Variants in PCDHGA8 observed in about 807,000 individuals in gnomAD.
PCDHGA8 encodes the protein protocadherin gamma subfamily A, 8, also known as protocadherin gamma-A8.
In PCDHGA8, 45 loss-of-function variants were observed where a neutral mutation model predicts 59.2. The observed-to-expected ratio is 0.76, with a 90% CI of 0.60 to 0.98. The LOEUF (loss-of-function observed/expected upper bound fraction) is 0.98. Among genes scored for constraint, PCDHGA8 ranks in the 50% least tolerant of loss-of-function variants. The pLI is 0.00. For missense variants in PCDHGA8, 1,257 were observed against 1,196.2 expected (o/e 1.05, Z -0.75); for synonymous variants, 531 against 519.0 (o/e 1.02, Z -0.32).
chr5:141,433,906 A>G (rs1218318743), intron 1 of PCDHGA8, among the ~76,000 whole-genome samples: 1 of 151,412 alleles, frequency 6.6e-6, no homozygotes, highest in Non-Finnish European at 1.5e-5. Flanking sequence ...ATCACTTATT[A>G]CAATCACCTC....
intron 1 of PCDHGA8, chr5:141,409,367 G>A: frequency 1.9e-6 from 3 of 1,614,000 alleles, no homozygotes; most frequent in Non-Finnish European, 2.5e-6. Context: ...TATAGAAACA[G>A]ACATTCCATT....
rs754652710 is a variant in PCDHGA8 at position 141,476,367 on chromosome 5, G to A, written c.2425-18440G>A. Reference sequence around the variant, plus strand: ...TTCTTTGAGGTGAACCGGGAGACCGGAGAGATGTTTGTGAACGACCGTCTG... The same window carrying A: ...TTCTTTGAGGTGAACCGGGAGACCGAAGAGATGTTTGTGAACGACCGTCTG... On this transcript the variant is annotated intron_variant, in intron 1 of 3. Coordinates refer to ENST00000398604, the MANE Select transcript of PCDHGA8 (RefSeq NM_032088.2). The surrounding 1 kb of genome is among the most constrained non-coding windows in gnomAD (Gnocchi z 7.6). The A allele has an allele frequency of 2.5e-6, 4 of 1,614,172 alleles. No homozygotes were observed. In the South Asian group the frequency reaches 3.3e-5, roughly 13 times the overall value.
At chr5:141,423,750 TGGGGGGGG>T in intron 1 of PCDHGA8, 1 of 287,524 alleles carries the variant, frequency 3.5e-6, no homozygotes, top group Non-Finnish European at 4.5e-6. Flanking sequence ...GAAAACTGTT[TGGGGGGGG>T]GGTGGGGCGG....
At chr5:141,506,462 AAAAG>A (rs1396142744) in intron 3 of PCDHGA8, among the ~76,000 whole-genome samples, 1 of 151,856 alleles carries the variant, frequency 6.6e-6, no homozygotes, top group African/African-American at 2.4e-5. Flanking sequence ...AAAAAAAAAA[AAAAG>A]AGCACAGGCT....
chr5:141,459,295 A>C (rs571675117), intron 1 of PCDHGA8, among the ~76,000 whole-genome samples: 2 of 152,368 alleles, frequency 1.3e-5, no homozygotes, highest in South Asian at 4.1e-4. Context: ...ATGGAATCCT[A>C]TAACATATAC....
At chr5:141,478,545 A>C in intron 1 of PCDHGA8, 1 of 1,605,606 alleles carries the variant, frequency 6.2e-7, no homozygotes, top group Non-Finnish European at 8.5e-7. Flanking sequence ...CCTCCCGGAC[A>C]GGTAAGGTTT....
intron 1 of PCDHGA8, among the ~76,000 whole-genome samples, chr5:141,461,288 A>G (rs1049761514): frequency 2.0e-5 from 3 of 152,092 alleles, no homozygotes; most frequent in Admixed American, 1.3e-4. Flanking sequence ...CCCCACATCC[A>G]CACCAACATC....
intron 1 of PCDHGA8, chr5:141,409,742 G>T (rs763304955): frequency 5.0e-6 from 8 of 1,612,988 alleles, no homozygotes; most frequent in African/African-American, 1.3e-5. Flanking sequence ...GAGCGGGGTG[G>T]TGTTCGCGCA....
intron 1 of PCDHGA8, among the ~76,000 whole-genome samples, chr5:141,397,708 T>A (rs1409305799): frequency 6.6e-6 from 1 of 152,250 alleles, no homozygotes; most frequent in East Asian, 1.9e-4. Context: ...ACGTGATATT[T>A]CTAACAATTT....
chr5:141,443,561 C>T (rs1487096752), intron 1 of PCDHGA8, among the ~76,000 whole-genome samples: 3 of 152,118 alleles, frequency 2.0e-5, no homozygotes, highest in Non-Finnish European at 1.5e-5. Context: ...AATTCAAATG[C>T]TTTAAATGGA....
At position 141,419,393 on chromosome 5, in the gene PCDHGA8, G is replaced by C; in HGVS notation, c.2424+24156G>C. On this transcript the variant is annotated intron_variant, in intron 1 of 3. Transcript: ENST00000398604. ...CTACGTGTCCGTGAGCGCGCAGAGC[G>C]GGGTGGTGTTCGCGCAGCGCGCCTT... 1.2e-6 allele frequency: 2 copies of C among 1,613,620 alleles called. No homozygotes were observed. The highest frequency in any genetic ancestry group is 1.7e-6 in the Non-Finnish European group (2 of 1,179,912).
chr5:141,418,714 T>C, intron 1 of PCDHGA8: 4 of 1,614,000 alleles, frequency 2.5e-6, no homozygotes, highest in Non-Finnish European at 3.4e-6. Flanking sequence ...TTGGTGTGGC[T>C]GACAAAGCTC....
chr5:141,505,509 G>A (rs778054090), intron 3 of PCDHGA8, 28 bp downstream of exon 3: 1 of 1,613,940 alleles, frequency 6.2e-7, no homozygotes, highest in Non-Finnish European at 8.5e-7. Context: ...GTGTATGGAA[G>A]AGTGGGAGAC....
chr5:141,467,084 A>T, intron 1 of PCDHGA8, among the ~76,000 whole-genome samples: 1 of 142,674 alleles, frequency 7.0e-6, no homozygotes, highest in African/African-American at 2.6e-5. Context: ...ACCAAGTCTC[A>T]CTCTGTCACA....
intron 1 of PCDHGA8, among the ~76,000 whole-genome samples, chr5:141,480,339 T>A (rs764049837): frequency 1.3e-4 from 20 of 152,010 alleles, no homozygotes; most frequent in Non-Finnish European, 2.4e-4. Context: ...TGCTTGAGCC[T>A]GGGAGGTTGA....
At chr5:141,419,052 C>A (rs1017300472) in intron 1 of PCDHGA8, 6 of 1,613,948 alleles carry the variant, frequency 3.7e-6, no homozygotes, top group East Asian at 2.2e-5. Context: ...CATTCTTCTT[C>A]TAATAATTAC....
chr5:141,490,611 G>A lies in PCDHGA8; in HGVS notation c.2425-4196G>A, dbSNP rs1442281165. 1 of 1,614,052 alleles carries A rather than the reference G, an allele frequency of 6.2e-7. No homozygotes were observed. The highest frequency in any genetic ancestry group is 1.3e-5 in the African/African-American group (1 of 74,914). On this transcript the variant is annotated intron_variant, in intron 1 of 3. Coordinates refer to ENST00000398604, the MANE Select transcript of PCDHGA8 (RefSeq NM_032088.2). This position sits in a 1 kb window ranked among gnomAD's most constrained non-coding sequence, Gnocchi z 5.4. ...ACAATGCACCCCGCTTCAACCAGCA[G>A]CTTTACACTGCTTACATCCTAGAAA...
At chr5:141,415,284 G>A (rs186109113) in intron 1 of PCDHGA8, 27 of 1,614,198 alleles carry the variant, frequency 1.7e-5, no homozygotes, top group Non-Finnish European at 2.3e-5. Context: ...CGGTGGCCGC[G>A]GTCTCCTGCG....
At position 141,418,416 on chromosome 5, in the gene PCDHGA8, C is replaced by A. The variant is rs377542164; in HGVS notation, c.2424+23179C>A. On this transcript the variant is annotated intron_variant, in intron 1 of 3. Transcript: ENST00000398604. ...TTCTCATTGGTGGAGAAAGACAATC[C>A]TGATGGTGGCAAATATCCAGAATTA... The A allele has an allele frequency of 3.7e-6, 6 of 1,613,866 alleles. No individual in the cohort carries two copies. The African/African-American group carries it at 8.0e-5, about 22-fold the overall frequency.
Sources: gnomAD v4.1 joint callset for allele counts (sites outside exome capture counted in the v4.1 genomes callset) on GRCh38, gnomAD v4.1.1 for gene constraint, Gnocchi (gnomAD v3.1) non-coding constraint, MANE v1.5 for transcripts, NCBI Gene and HGNC (gene_info 2026-07-23, HGNC 2026-07-21) for gene names.